The following BNC2 variants were observed in gnomAD, a reference collection of about 807,000 sequenced individuals.
BNC2 encodes the protein zinc finger protein basonuclin-2.
Under a neutral mutation model 76.3 loss-of-function variants are expected in BNC2, and 20 were observed. That is an observed-to-expected ratio of 0.26 (90% CI 0.18 to 0.38). BNC2 has a LOEUF of 0.38. Ranked by LOEUF, BNC2 falls within the 10% of genes least tolerant of loss-of-function variation. BNC2 has a pLI of 1.00. For missense variants in BNC2, 1,382 were observed against 1,399.8 expected, an observed-to-expected ratio of 0.99 and a Z score of 0.20; for synonymous variants, 582 against 514.8, an observed-to-expected ratio of 1.13 and a Z score of -1.77.
intron 3 of BNC2, among the ~76,000 whole-genome samples, chr9:16,586,737 G>A (rs74377910): frequency 2.6e-5 from 4 of 152,198 alleles, no homozygotes; most frequent in Admixed American, 1.3e-4. Context: ...TCACTGTGGA[G>A]CCAGGCACTG....
intron 3 of BNC2, among the ~76,000 whole-genome samples, chr9:16,601,857 A>G (rs1035139118): frequency 3.9e-5 from 6 of 152,180 alleles, no homozygotes; most frequent in Non-Finnish European, 8.8e-5. Flanking sequence ...ACACTTTTCT[A>G]TAACCAGGAG....
At chr9:16,738,313 C>A (rs564871893) in intron 2 of BNC2, 47 bp downstream of exon 2, 2 of 1,582,268 alleles carry the variant, frequency 1.3e-6, no homozygotes, top group Non-Finnish European at 1.7e-6. Context: ...TCAAAGAATG[C>A]AAGTGTGTCC....
intron 3 of BNC2, among the ~76,000 whole-genome samples, chr9:16,663,561 T>C (rs750859580): frequency 4.7e-4 from 72 of 152,200 alleles, no homozygotes; most frequent in Non-Finnish European, 7.5e-4. Flanking sequence ...TATTATGATA[T>C]TCTTGGTACT....
intron 5 of BNC2, among the ~76,000 whole-genome samples, chr9:16,455,782 A>G (rs1376416401): frequency 4.5e-5 from 6 of 134,670 alleles, no homozygotes; most frequent in Admixed American, 3.0e-4. Context: ...ACAAGAGCAA[A>G]ACTCCATCTC....
chr9:16,440,045 G>A (rs1257779622), intron 5 of BNC2, among the ~76,000 whole-genome samples: 1 of 152,188 alleles, frequency 6.6e-6, no homozygotes, highest in Non-Finnish European at 1.5e-5. Context: ...TTTGGAACAG[G>A]GGTAACATGG....
chr9:16,780,548 G>C (rs1490678360), intron 1 of BNC2, among the ~76,000 whole-genome samples: 1 of 151,030 alleles, frequency 6.6e-6, no homozygotes, highest in Non-Finnish European at 1.5e-5. Flanking sequence ...CTCCAGCCTG[G>C]CGACAGGGCA....
chr9:16,763,800 C>T (rs377422153), intron 1 of BNC2, among the ~76,000 whole-genome samples: 7 of 152,190 alleles, frequency 4.6e-5, no homozygotes, highest in African/African-American at 1.4e-4. Flanking sequence ...CAACACACCC[C>T]GCAAAAGAAT....
intron 1 of BNC2, among the ~76,000 whole-genome samples, chr9:16,848,244 C>G (rs1462715994): frequency 6.6e-6 from 1 of 152,190 alleles, no homozygotes; most frequent in East Asian, 1.9e-4. Context: ...AGGCAGACTT[C>G]AAGTCTGACA....
At chr9:16,696,648 TA>T (rs1823347354) in intron 3 of BNC2, among the ~76,000 whole-genome samples, 1 of 152,186 alleles carries the variant, frequency 6.6e-6, no homozygotes. Context: ...CATACTGCTT[TA>T]CACATAGCAG....
intron 1 of BNC2, among the ~76,000 whole-genome samples, chr9:16,747,075 C>T (rs997291852): frequency 2.2e-4 from 34 of 151,970 alleles, no homozygotes; most frequent in African/African-American, 7.0e-4. Context: ...TATCACACCA[C>T]GCAAAGAAAT....
intron 1 of BNC2, among the ~76,000 whole-genome samples, chr9:16,799,351 C>T (rs973063021): frequency 6.6e-6 from 1 of 151,960 alleles, no homozygotes; most frequent in Non-Finnish European, 1.5e-5. Context: ...GTCTCACTCT[C>T]TCACCCAAAC....
At chr9:16,708,027 C>G (rs146941381) in intron 3 of BNC2, among the ~76,000 whole-genome samples, 1 of 152,160 alleles carries the variant, frequency 6.6e-6, no homozygotes, top group East Asian at 1.9e-4. Flanking sequence ...ACAAATACCA[C>G]GATGAAAACT....
At chr9:16,744,354 T>G (rs1041632146) in intron 1 of BNC2, among the ~76,000 whole-genome samples, 1 of 152,204 alleles carries the variant, frequency 6.6e-6, no homozygotes, top group Non-Finnish European at 1.5e-5. Flanking sequence ...AGACTTAGTT[T>G]CACATCACTT....
chr9:16,747,422 T>A (rs543620668), intron 1 of BNC2, among the ~76,000 whole-genome samples: 1 of 152,330 alleles, frequency 6.6e-6, no homozygotes, highest in South Asian at 2.1e-4. Context: ...GTCAAGGAGA[T>A]GGAACTTTAT....
intron 3 of BNC2, among the ~76,000 whole-genome samples, chr9:16,669,716 A>C (rs904298424): frequency 2.0e-5 from 3 of 152,228 alleles, no homozygotes; most frequent in Non-Finnish European, 4.4e-5. Flanking sequence ...CTTCTTCTCT[A>C]ACTGCTTAAA....
At chr9:16,700,621 T>C (rs1452225348) in intron 3 of BNC2, among the ~76,000 whole-genome samples, 1 of 152,146 alleles carries the variant, frequency 6.6e-6, no homozygotes, top group Non-Finnish European at 1.5e-5. Flanking sequence ...GTAATTTTTT[T>C]TGCGGTGGTA....
intron 3 of BNC2, among the ~76,000 whole-genome samples, chr9:16,694,894 T>A (rs1051371937): frequency 1.3e-5 from 2 of 152,076 alleles, no homozygotes; most frequent in African/African-American, 2.4e-5. Context: ...CCCAAATGCA[T>A]GGATCTCAAC....
At chr9:16,711,398 T>C (rs1823843627) in intron 3 of BNC2, among the ~76,000 whole-genome samples, 1 of 152,118 alleles carries the variant, frequency 6.6e-6, no homozygotes, top group South Asian at 2.1e-4. Context: ...ACTGCTCTAA[T>C]TAAAACGGAG....
chr9:16,807,547 G>C (rs1031752703), intron 1 of BNC2, among the ~76,000 whole-genome samples: 2 of 152,154 alleles, frequency 1.3e-5, no homozygotes, highest in African/African-American at 4.8e-5. Context: ...AAAATGAGAA[G>C]GAGGTGGAGG....
Sources: allele counts gnomAD v4.1 joint callset (sites outside exome capture counted in the v4.1 genomes callset), GRCh38; gene constraint gnomAD v4.1.1; transcripts MANE v1.5; gene names NCBI Gene and HGNC (gene_info 2026-07-23, HGNC 2026-07-21).